FAM13A: variants seen among roughly 807,000 people sequenced by gnomAD.
FAM13A encodes protein FAM13A.
Under a neutral mutation model 129.6 loss-of-function variants are expected in FAM13A, and 76 were observed. That is an observed-to-expected ratio of 0.59 (90% confidence interval 0.49 to 0.71). FAM13A has a LOEUF of 0.71. Among genes scored for constraint, FAM13A ranks in the 30% least tolerant of loss-of-function variants. The pLI is 0.00. For synonymous variants in FAM13A, 443 were observed against 449.9 expected (o/e 0.98, Z 0.20); for missense variants, 1,108 against 1,249.3 (o/e 0.89, Z 1.70).
intron 4 of FAM13A, among the ~76,000 whole-genome samples, chr4:88,944,718 A>G (rs1312085093): frequency 6.6e-6 from 1 of 152,078 alleles, no homozygotes; most frequent in Non-Finnish European, 1.5e-5. Context: ...CCTGGCCAAC[A>G]TGGTGAAACC....
intron 5 of FAM13A, among the ~76,000 whole-genome samples, chr4:88,913,767 A>G (rs543495991): frequency 6.6e-6 from 1 of 152,274 alleles, no homozygotes; most frequent in East Asian, 1.9e-4. Context: ...ATTCACCTTC[A>G]TGGCTTTTAA....
chr4:88,789,251 T>C (rs544558957), intron 9 of FAM13A, among the ~76,000 whole-genome samples: 3 of 152,156 alleles, frequency 2.0e-5, no homozygotes, highest in Non-Finnish European at 4.4e-5. Flanking sequence ...CAAGAACATG[T>C]CAGCCTTGGT....
intron 6 of FAM13A, among the ~76,000 whole-genome samples, chr4:88,879,877 A>G (rs1406224855): frequency 6.6e-6 from 1 of 152,232 alleles, no homozygotes; most frequent in African/African-American, 2.4e-5. Flanking sequence ...TTAAGCCATT[A>G]AGATAATGGG....
At chr4:88,919,723 C>A (rs180770513) in intron 5 of FAM13A, among the ~76,000 whole-genome samples, 6 of 152,132 alleles carry the variant, frequency 3.9e-5, no homozygotes, top group Admixed American at 1.3e-4. Flanking sequence ...GCACACCATG[C>A]GCGAGCTGAA....
chr4:88,968,679 T>G (rs1759668312), intron 4 of FAM13A, among the ~76,000 whole-genome samples: 2 of 151,988 alleles, frequency 1.3e-5, no homozygotes, highest in Admixed American at 1.3e-4. Context: ...CCACCCCACT[T>G]TCTTCCTTTT....
At chr4:89,048,497 AT>A (rs1432970928) in intron 1 of FAM13A, among the ~76,000 whole-genome samples, 1 of 152,050 alleles carries the variant, frequency 6.6e-6, no homozygotes, top group Admixed American at 6.6e-5. Flanking sequence ...CTAGAAATGG[AT>A]TTTGGTGATG....
At chr4:88,742,825 T>C (rs116239707) in intron 19 of FAM13A, among the ~76,000 whole-genome samples, 4 of 152,340 alleles carry the variant, frequency 2.6e-5, no homozygotes, top group African/African-American at 9.6e-5. Flanking sequence ...CTGAATGAGC[T>C]ACACTGATCT....
intron 5 of FAM13A, 141 bp from the exon 6 acceptor site, chr4:88,906,603 T>G (rs1748212040): frequency 1.6e-6 from 1 of 623,174 alleles, no homozygotes; most frequent in Non-Finnish European, 2.8e-6. Context: ...GAAATTGTAG[T>G]ACGGAGTCAA....
intron 13 of FAM13A, chr4:88,759,216 T>C (rs1017849142): frequency 4.0e-6 from 1 of 251,046 alleles, no homozygotes; most frequent in African/African-American, 2.2e-5. Flanking sequence ...CTTAAAGGAG[T>C]ATGGCTCTCA....
intron 14 of FAM13A, among the ~76,000 whole-genome samples, chr4:88,751,414 T>G (rs2149477633): frequency 6.6e-6 from 1 of 152,308 alleles, no homozygotes; most frequent in South Asian, 2.1e-4. Flanking sequence ...TCCCTTGAGG[T>G]CATCCAGTAA....
intron 19 of FAM13A, among the ~76,000 whole-genome samples, chr4:88,740,236 C>CA (rs1268903961): frequency 6.6e-6 from 1 of 152,206 alleles, no homozygotes; most frequent in Non-Finnish European, 1.5e-5. Flanking sequence ...GAGACTCACC[C>CA]ATTCTCTCCT....
At chr4:88,790,225 G>C (rs907871205) in intron 9 of FAM13A, among the ~76,000 whole-genome samples, 1 of 152,002 alleles carries the variant, frequency 6.6e-6, no homozygotes, top group South Asian at 2.1e-4. Flanking sequence ...AACTAAGTAG[G>C]GAGTAAAGAC....
At chr4:89,054,013 C>A (rs1051723024) in intron 1 of FAM13A, among the ~76,000 whole-genome samples, 2 of 152,158 alleles carry the variant, frequency 1.3e-5, no homozygotes, top group Non-Finnish European at 2.9e-5. Context: ...ATTCCCTACA[C>A]CACCTCAGAA....
At chr4:88,989,508 G>C (rs1762686225) in intron 4 of FAM13A, 1 of 152,290 alleles carries the variant, frequency 6.6e-6, no homozygotes, top group Admixed American at 6.5e-5. Context: ...AGGCTGAAGT[G>C]GGAGGACTGC....
intron 10 of FAM13A, among the ~76,000 whole-genome samples, chr4:88,786,143 C>T (rs1296787854): frequency 6.6e-6 from 1 of 151,998 alleles, no homozygotes; most frequent in Non-Finnish European, 1.5e-5. Flanking sequence ...ATTTCCCTGC[C>T]CTGTCTGGCC....
Position 88,747,742 on chromosome 4 carries a change from C to A in FAM13A, c.2271G>T (p.Lys757Asn). The A allele has an allele frequency of 6.2e-7, 1 of 1,614,168 alleles. No homozygotes were observed. Among genetic ancestry groups the A allele is most frequent in the Non-Finnish European group, 8.5e-7 (1 of 1,179,982 alleles). Residue 757 changes from lysine (K) to asparagine (N), a missense_variant, in exon 18 of 24, where the codon AAG (lysine) becomes AAT (asparagine). Transcript: ENST00000264344. ...GSQLEKEDEK[K>N]QELVDKAIKP... is the part of the protein sequence containing the mutation. ...TTATTGCTTTATCCACCAGCTCTTG[C>A]TTCTTCTCATCTTCTTTCTCAAGTT...
At chr4:89,048,200 C>T (rs1771106940) in intron 1 of FAM13A, among the ~76,000 whole-genome samples, 1 of 152,132 alleles carries the variant, frequency 6.6e-6, no homozygotes, top group Non-Finnish European at 1.5e-5. Context: ...ATGTTCCTAG[C>T]AGCATTATTG....
At chr4:88,858,910 C>A (rs1238555076) in intron 6 of FAM13A, among the ~76,000 whole-genome samples, 4 of 152,106 alleles carry the variant, frequency 2.6e-5, no homozygotes, top group African/African-American at 7.2e-5. Flanking sequence ...AAAGCTGTTA[C>A]AACAAAGAGG....
intron 7 of FAM13A, among the ~76,000 whole-genome samples, chr4:88,836,154 C>T (rs12643428): frequency 0.33 from 50,766 of 151,908 alleles, 8,860 homozygotes; most frequent in South Asian, 0.55. Flanking sequence ...AAAATTCATA[C>T]ATAAAAGATA....
Sources: gnomAD v4.1 joint callset for allele counts (sites outside exome capture counted in the v4.1 genomes callset) on GRCh38, gnomAD v4.1.1 for gene constraint, MANE v1.5 for transcripts, NCBI Gene and HGNC (gene_info 2026-07-23, HGNC 2026-07-21) for gene names.